The following SLCO3A1 variants were observed in gnomAD, a reference collection of about 807,000 sequenced individuals.
SLCO3A1 encodes PGE1 transporter.
Under a neutral mutation model 63.1 loss-of-function variants are expected in SLCO3A1, and 27 were observed. The observed-to-expected ratio is 0.43, with a 90% CI of 0.32 to 0.59. The LOEUF is 0.59. Among genes scored for constraint, SLCO3A1 ranks in the 20% least tolerant of loss-of-function variants. The pLI is 0.09. For missense variants in SLCO3A1, 773 were observed against 945.8 expected (o/e 0.82, Z 2.40); for synonymous variants, 473 against 409.9 (o/e 1.15, Z -1.86).
At chr15:91,920,288 C>T (rs577465439) in intron 2 of SLCO3A1, among the ~76,000 whole-genome samples, 139 of 152,182 alleles carry the variant, frequency 9.1e-4, no homozygotes, top group African/African-American at 2.7e-3. Context: ...GGGTGGTGCA[C>T]GGTCCAGGGA....
intron 2 of SLCO3A1, among the ~76,000 whole-genome samples, chr15:92,040,546 G>C (rs751535083): frequency 6.6e-6 from 1 of 152,146 alleles, no homozygotes; most frequent in Non-Finnish European, 1.5e-5. Context: ...GGCAGATGAT[G>C]CAACTATAAA....
chr15:92,138,005 T>G (rs1424161487), intron 7 of SLCO3A1, among the ~76,000 whole-genome samples: 1 of 112,836 alleles, frequency 8.9e-6, no homozygotes, highest in Non-Finnish European at 1.7e-5. Flanking sequence ...AATTTTGTCT[T>G]TTGTTGCCAT....
chr15:92,101,426 T>C (rs1258335959), intron 3 of SLCO3A1, among the ~76,000 whole-genome samples: 1 of 152,002 alleles, frequency 6.6e-6, no homozygotes, highest in Admixed American at 6.5e-5. Flanking sequence ...GGAGAATCGC[T>C]TGAACCCAGG....
chr15:92,098,089 T>C (rs372404655), intron 3 of SLCO3A1: 82 of 152,418 alleles, frequency 5.4e-4, no homozygotes, highest in African/African-American at 1.9e-3. Context: ...GCCTAAAATT[T>C]GTGGGGAAGG....
intron 2 of SLCO3A1, among the ~76,000 whole-genome samples, chr15:91,984,841 T>C (rs1380895841): frequency 4.6e-5 from 7 of 152,194 alleles, no homozygotes; most frequent in South Asian, 2.1e-4. Flanking sequence ...ATGGTAGGGC[T>C]GACAAAAGCT....
In SLCO3A1 at chr15:92,104,518, G is replaced by T; in HGVS notation, c.985G>T (p.Ala329Ser). 1 of 1,613,766 alleles carries T rather than the reference G, an allele frequency of 6.2e-7. No homozygotes were observed. ...GCACCCCCTGGAGCCAGACAGCAGTGCCTCCTGTTTCCAGCAGCTGAGAGG... is the reference window on the plus strand; with the variant it reads ...GCACCCCCTGGAGCCAGACAGCAGTTCCTCCTGTTTCCAGCAGCTGAGAGG... Reference protein sequence around the residue: ...LRHPLEPDSSASCFQQLRVIP... With the variant: ...LRHPLEPDSSSSCFQQLRVIP... The change falls in exon 4 of 10, where the codon GCC becomes TCC. Residue 329 changes from alanine (A) to serine (S), a missense_variant. Coordinates refer to ENST00000318445, the MANE Select transcript of SLCO3A1 (RefSeq NM_013272.4).
chr15:92,111,395 T>A (rs899978939), intron 4 of SLCO3A1, among the ~76,000 whole-genome samples: 1 of 152,230 alleles, frequency 6.6e-6, no homozygotes. Flanking sequence ...CACTTTTTTT[T>A]AATCATGCAC....
intron 4 of SLCO3A1, among the ~76,000 whole-genome samples, chr15:92,106,195 T>A (rs548803243): frequency 6.6e-6 from 1 of 152,358 alleles, no homozygotes; most frequent in East Asian, 1.9e-4. Flanking sequence ...TAATGTTATG[T>A]CTGGCCCCAT....
chr15:92,160,549 AG>A (rs1168906296), intron 9 of SLCO3A1, among the ~76,000 whole-genome samples: 2 of 152,156 alleles, frequency 1.3e-5, no homozygotes, highest in Admixed American at 6.5e-5. Context: ...AGAAGGAAAC[AG>A]GTTGTGTGGG....
At chr15:91,888,442 C>T (rs1480383601) in intron 1 of SLCO3A1, among the ~76,000 whole-genome samples, 1 of 152,148 alleles carries the variant, frequency 6.6e-6, no homozygotes, top group Non-Finnish European at 1.5e-5. Context: ...ATATGCATAA[C>T]TATTTGATTT....
At chr15:92,170,433 C>T (rs1422605721), downstream of SLCO3A1, among the ~76,000 whole-genome samples, 2 of 152,174 alleles carry the variant, frequency 1.3e-5, no homozygotes. Context: ...AGTATATATT[C>T]TTTTCCACTT....
chr15:92,114,581 A>G (rs2047769729), intron 4 of SLCO3A1, among the ~76,000 whole-genome samples: 1 of 151,958 alleles, frequency 6.6e-6, no homozygotes, highest in African/African-American at 2.4e-5. Flanking sequence ...TTGGATTCAC[A>G]CCCATGCTTC....
At chr15:91,987,186 G>T (rs1444336012) in intron 2 of SLCO3A1, among the ~76,000 whole-genome samples, 2 of 152,136 alleles carry the variant, frequency 1.3e-5, no homozygotes, top group Non-Finnish European at 2.9e-5. Context: ...AGATAATAAG[G>T]GAACAAAACC....
intron 4 of SLCO3A1, 141 bp from the exon 5 acceptor site, chr15:92,120,324 T>TGG: frequency 1.3e-6 from 1 of 796,058 alleles, no homozygotes; most frequent in Non-Finnish European, 2.0e-6. Context: ...GATTTTGGCC[T>TGG]TAGCAACTGG....
At chr15:92,042,020 A>T (rs1404882048) in intron 2 of SLCO3A1, among the ~76,000 whole-genome samples, 1 of 152,076 alleles carries the variant, frequency 6.6e-6, no homozygotes, top group South Asian at 2.1e-4. Context: ...CCTTCCAAAG[A>T]GTGGGTGGAA....
In SLCO3A1 at chr15:92,163,632, C is replaced by T. The variant is rs2048468513; in HGVS notation, c.*497C>T. 1.0e-6 allele frequency: 1 copy of T among 985,092 alleles called. No individual in the cohort carries two copies. Among genetic ancestry groups the T allele is most frequent in the Non-Finnish European group, 1.2e-6 (1 of 829,874 alleles). The allele number at this position is 985,092 out of a possible 1,614,324, so 61.0% of individuals were successfully genotyped here. On this transcript the variant is annotated 3_prime_UTR_variant, in exon 10 of 10. Transcript: ENST00000318445. ...ACACACCCCGTGCCACCCTCTTCCTCCAGGTGGGGGTGGGGGCGGGCGCAC... is the reference window on the plus strand; with the variant it reads ...ACACACCCCGTGCCACCCTCTTCCTTCAGGTGGGGGTGGGGGCGGGCGCAC...
At chr15:92,170,374 A>T (rs931804001), downstream of SLCO3A1, among the ~76,000 whole-genome samples, 8 of 152,220 alleles carry the variant, frequency 5.3e-5, no homozygotes, top group African/African-American at 1.9e-4. Flanking sequence ...TGAATTCATG[A>T]TCCCAGGTAC....
chr15:92,011,628 C>G (rs1333067765), intron 2 of SLCO3A1, among the ~76,000 whole-genome samples: 2 of 152,184 alleles, frequency 1.3e-5, no homozygotes, highest in African/African-American at 4.8e-5. Context: ...TTTTTAACCC[C>G]CTTGGCGCCA....
chr15:91,880,170 C>CTATCT lies in SLCO3A1; in HGVS notation c.180+26082_180+26083insTATCT, dbSNP rs1567168784. Among the ~76,000 whole-genome samples, 580 of 126,166 alleles carry CTATCT rather than the reference C, an allele frequency of 4.6e-3. 6 individuals are homozygous for CTATCT. Among genetic ancestry groups the CTATCT allele is most frequent in the African/African-American group, 0.014 (436 of 31,648 alleles). The allele number at this position is 126,166 out of a possible 152,430, so 82.8% of individuals were successfully genotyped here. Reference sequence around the variant, plus strand: ...CCATCCATCCATCCATCCATCCATCCATCTATCTATCTATCTATCTATCTA... The same window carrying CTATCT: ...CCATCCATCCATCCATCCATCCATCCTATCTATCTATCTATCTATCTATCTATCTA... On this transcript the variant is annotated intron_variant, in intron 1 of 9. Transcript: ENST00000318445.
Sources: allele counts gnomAD v4.1 joint callset (sites outside exome capture counted in the v4.1 genomes callset), GRCh38; gene constraint gnomAD v4.1.1; transcripts MANE v1.5; gene names NCBI Gene and HGNC (gene_info 2026-07-23, HGNC 2026-07-21).